The following HIVEP2 variants were observed in gnomAD, a reference collection of about 807,000 sequenced individuals.
HIVEP2 encodes the protein transcription factor HIVEP2.
HIVEP2 carries 14 observed loss-of-function variants against 180.7 expected under a neutral mutation model. The ratio of observed to expected loss-of-function variants is 0.08; its 90% CI spans 0.05 to 0.12. The LOEUF is 0.12. HIVEP2 is among the 10% of genes least tolerant of loss of function. The pLI is 1.00. For synonymous variants in HIVEP2, 1,184 were observed against 1,136.4 expected (o/e 1.04, Z -0.84); for missense variants, 2,579 against 3,008.5 (o/e 0.86, Z 3.34).
intron 1 of HIVEP2, among the ~76,000 whole-genome samples, chr6:142,940,074 G>C (rs1212858865): frequency 6.6e-6 from 1 of 152,118 alleles, no homozygotes; most frequent in Non-Finnish European, 1.5e-5. Context: ...AAATTATTGG[G>C]ATACTTGAAT....
At chr6:142,812,588 T>G (rs546441162) in intron 2 of HIVEP2, among the ~76,000 whole-genome samples, 2 of 152,200 alleles carry the variant, frequency 1.3e-5, no homozygotes, top group South Asian at 4.2e-4. Flanking sequence ...TGGCATCTAA[T>G]CCGAAATTAT....
Position 142,769,950 on chromosome 6 carries a change from C to T in HIVEP2, c.4789G>A (p.Glu1597Lys). The T allele has an allele frequency of 6.2e-7, 1 of 1,614,074 alleles. No homozygotes were observed. The highest frequency in any genetic ancestry group is 1.1e-5 in the South Asian group (1 of 91,082). The change falls in exon 5 of 10, where the codon GAA becomes AAA. Residue 1597 changes from glutamate (E) to lysine (K), a missense_variant. By Grantham distance (56) the Glu-to-Lys change is moderately conservative. Around this residue, in one of 11 missense-constraint regions of HIVEP2, gnomAD observed 349 missense variants for 367.2 expected, o/e 0.95. Transcript: ENST00000367603. ...ACAGGCCGCTTGTGGCCCTTCCCTT[C>T]CTCTTCCAGCTGACCATCTCCTGCT... The part of the protein sequence containing the change: ...LPAGDGQLEE[E>K]GKGHKRPVGM...
chr6:142,766,562 T>C (rs1433122741), intron 6 of HIVEP2, among the ~76,000 whole-genome samples: 3 of 152,202 alleles, frequency 2.0e-5, no homozygotes, highest in African/African-American at 4.8e-5. Flanking sequence ...AAGCTTACTA[T>C]AGCCTGCCAT....
rs933466500 is a variant in HIVEP2, at chr6:142,943,094, T to C, written c.-641+2005A>G. On this transcript the variant is annotated intron_variant, in intron 1 of 9. Transcript: ENST00000367603. This position sits in a 1 kb window ranked among gnomAD's most constrained non-coding sequence, Gnocchi z 4.5. ...AATGTACAGTTGTCATTTGGTACTA[T>C]GACTCCTTAGGGTTCCACAGGGAAT... is the stretch of plus-strand genomic sequence containing the variant. Among the ~76,000 whole-genome samples the C allele has an allele frequency of 6.6e-6, 1 of 152,230 alleles. No homozygotes were observed. Among genetic ancestry groups the C allele is most frequent in the South Asian group, 2.1e-4 (1 of 4,832 alleles).
chr6:142,785,078 TG>T lies in HIVEP2; in HGVS notation c.-527-1464del, dbSNP rs529628959. On this transcript the variant is annotated intron_variant, in intron 2 of 9. Coordinates refer to ENST00000367603, the MANE Select transcript of HIVEP2 (RefSeq NM_006734.4). The stretch of plus-strand genomic sequence containing the variant: ...AATTTTTTTGCATTTTTAGTAGAGA[TG>T]GGGGTTTCACCATGTTAGCCAGGAT... Among the ~76,000 whole-genome samples the T allele has an allele frequency of 1.3e-4, 19 of 151,666 alleles. No individual in the cohort carries two copies. In the South Asian group the frequency reaches 2.1e-3, roughly 17 times the overall value.
At chr6:142,827,464 T>C (rs1014106242) in intron 2 of HIVEP2, among the ~76,000 whole-genome samples, 11 of 152,332 alleles carry the variant, frequency 7.2e-5, no homozygotes, top group African/African-American at 2.2e-4. Context: ...GTTTTGTCTA[T>C]GTACTGGCAC....
chr6:142,839,662 G>A (rs1436348117), intron 1 of HIVEP2, among the ~76,000 whole-genome samples: 1 of 152,088 alleles, frequency 6.6e-6, no homozygotes, highest in Non-Finnish European at 1.5e-5. Flanking sequence ...AGTTCACCAG[G>A]ACACTCCCTG....
chr6:142,898,891 G>A (rs1011230622), intron 1 of HIVEP2, among the ~76,000 whole-genome samples: 2 of 152,106 alleles, frequency 1.3e-5, no homozygotes, highest in Non-Finnish European at 2.9e-5. Context: ...AAATATCGCA[G>A]CATTAATTCA....
chr6:142,778,532 A>G (rs1476174513), intron 3 of HIVEP2, among the ~76,000 whole-genome samples: 1 of 152,222 alleles, frequency 6.6e-6, no homozygotes, highest in Non-Finnish European at 1.5e-5. Flanking sequence ...ATATTTTATC[A>G]TGGTATTGAT....
At chr6:142,888,997 T>C (rs1776783642) in intron 1 of HIVEP2, among the ~76,000 whole-genome samples, 1 of 152,254 alleles carries the variant, frequency 6.6e-6, no homozygotes. Flanking sequence ...CAAAGTCTTG[T>C]ATCAGAGATT....
chr6:142,866,045 A>C (rs969180400), intron 1 of HIVEP2, among the ~76,000 whole-genome samples: 2 of 152,150 alleles, frequency 1.3e-5, no homozygotes, highest in Admixed American at 1.3e-4. Context: ...CTCATTTGTA[A>C]AATTTGTAAA....
At chr6:142,829,641 C>T (rs1172830641) in intron 2 of HIVEP2, among the ~76,000 whole-genome samples, 3 of 152,188 alleles carry the variant, frequency 2.0e-5, no homozygotes, top group African/African-American at 7.2e-5. Flanking sequence ...TCCACAGCAC[C>T]AAAACACTAC....
intron 1 of HIVEP2, among the ~76,000 whole-genome samples, chr6:142,845,029 G>A (rs1220721897): frequency 2.6e-5 from 4 of 152,348 alleles, no homozygotes; most frequent in South Asian, 2.1e-4. Context: ...CAGGCTGCAC[G>A]CTGCATCTAC....
At chr6:142,912,754 G>C (rs981179892) in intron 1 of HIVEP2, among the ~76,000 whole-genome samples, 1 of 152,174 alleles carries the variant, frequency 6.6e-6, no homozygotes, top group African/African-American at 2.4e-5. Flanking sequence ...ATCTGAGGTG[G>C]AACTGTTTCA....
At chr6:142,885,586 C>T (rs748695721) in intron 1 of HIVEP2, among the ~76,000 whole-genome samples, 1 of 152,014 alleles carries the variant, frequency 6.6e-6, no homozygotes, top group South Asian at 2.1e-4. Flanking sequence ...GAGAAAATAC[C>T]CACTGATGAC....
chr6:142,855,358 T>G (rs1018326439), intron 1 of HIVEP2, among the ~76,000 whole-genome samples: 2 of 152,188 alleles, frequency 1.3e-5, no homozygotes, highest in African/African-American at 4.8e-5. Flanking sequence ...GGACTAATCA[T>G]TCCACACTGG....
intron 1 of HIVEP2, among the ~76,000 whole-genome samples, chr6:142,929,747 G>A (rs1310716144): frequency 2.0e-5 from 3 of 152,080 alleles, no homozygotes; most frequent in African/African-American, 4.8e-5. Flanking sequence ...TTTCATTCAG[G>A]ATTGGTTTCA....
chr6:142,881,365 A>G (rs1417306888), intron 1 of HIVEP2, among the ~76,000 whole-genome samples: 1 of 152,218 alleles, frequency 6.6e-6, no homozygotes, highest in Non-Finnish European at 1.5e-5. Context: ...AAGTTTGGAA[A>G]GAGAATTTTT....
intron 1 of HIVEP2, among the ~76,000 whole-genome samples, chr6:142,905,898 G>C (rs907973439): frequency 1.3e-5 from 2 of 152,164 alleles, no homozygotes; most frequent in African/African-American, 2.4e-5. Flanking sequence ...TTGGGAGGCC[G>C]AGGCGGGGGC....
Sources: gnomAD v4.1 joint callset for allele counts (sites outside exome capture counted in the v4.1 genomes callset) on GRCh38, gnomAD v4.1.1 for gene constraint, gnomAD v4.1.1 regional missense constraint, Gnocchi (gnomAD v3.1) non-coding constraint, MANE v1.5 for transcripts, NCBI Gene and HGNC (gene_info 2026-07-23, HGNC 2026-07-21) for gene names.